ADGRL3: variants seen among roughly 807,000 people sequenced by gnomAD.
ADGRL3 encodes adhesion G protein-coupled receptor L3.
Under a neutral mutation model 153.5 loss-of-function variants are expected in ADGRL3, and 62 were observed. The ratio of observed to expected loss-of-function variants is 0.40; its 90% CI spans 0.33 to 0.50. ADGRL3 has a LOEUF of 0.50. ADGRL3 is among the 20% of genes least tolerant of loss of function. The pLI is 0.47. For synonymous variants in ADGRL3, 710 were observed against 672.5 expected (o/e 1.06, Z -0.86); for missense variants, 1,641 against 1,859.4 (o/e 0.88, Z 2.16).
intron 24 of ADGRL3, among the ~76,000 whole-genome samples, chr4:62,040,398 G>A (rs1424415034): frequency 6.6e-6 from 1 of 151,654 alleles, no homozygotes; most frequent in Non-Finnish European, 1.5e-5. Context: ...ACTATGACCA[G>A]CCAAGCCTAT....
chr4:61,710,756 G>A (rs1391441882), intron 6 of ADGRL3, among the ~76,000 whole-genome samples: 1 of 152,122 alleles, frequency 6.6e-6, no homozygotes, highest in Non-Finnish European at 1.5e-5. Context: ...TTCACCTAGT[G>A]TGTTGCACTC....
chr4:61,475,551 T>C (rs1339194576), intron 2 of ADGRL3, among the ~76,000 whole-genome samples: 1 of 152,190 alleles, frequency 6.6e-6, no homozygotes, highest in African/African-American at 2.4e-5. Context: ...AAAGCCACTC[T>C]GATTTTTTGA....
chr4:62,070,598 CAGA>C lies in ADGRL3; in HGVS notation c.4326_4328del (p.Glu1442del). The stretch of plus-strand genomic sequence containing the variant: ...TTCCCTTTGCTAACCAACGAGCACA[CAGA>C]AGATCTCCAGTCACCCCATAGAGAC... On this transcript the variant is annotated inframe_deletion, in exon 27 of 27. Transcript: ENST00000683033. 7 of 1,551,724 alleles carry C rather than the reference CAGA, an allele frequency of 4.5e-6. No individual in the cohort carries two copies. Among genetic ancestry groups the C allele is most frequent in the Non-Finnish European group, 6.1e-6 (7 of 1,147,024 alleles).
rs192838970 is a variant in ADGRL3, at chr4:61,978,613, T to C, written c.2806-950T>C. On this transcript the variant is annotated intron_variant, in intron 17 of 26. Transcript: ENST00000683033. ...TGTAAATTCTAAAGATTCACAGAAG[T>C]TTTTTTAGTGTAGGGACAAAATATC... Among the ~76,000 whole-genome samples the C allele has an allele frequency of 3.3e-5, 5 of 152,162 alleles. No individual in the cohort carries two copies. In the East Asian group the frequency reaches 9.7e-4, roughly 29 times the overall value.
chr4:62,071,035 A>T lies in ADGRL3; in HGVS notation c.*127A>T. On this transcript the variant is annotated 3_prime_UTR_variant, in exon 27 of 27. Transcript: ENST00000683033. ...ATGCTGTCCTCTAAAGACAAACACA[A>T]ACTCTCAGACTTTTTTTTTTTTAAT... 1.2e-6 allele frequency: 1 copy of T among 855,676 alleles called. No homozygotes were observed. Among genetic ancestry groups the T allele is most frequent in the Non-Finnish European group, 1.7e-6 (1 of 574,536 alleles). 53.0% of individuals were successfully genotyped at this position (855,676 alleles called of 1,614,324 possible).
At chr4:61,885,419 T>TC (rs1390327507) in intron 9 of ADGRL3, among the ~76,000 whole-genome samples, 6 of 152,232 alleles carry the variant, frequency 3.9e-5, no homozygotes, top group Admixed American at 1.3e-4. Flanking sequence ...ATTTGTAACC[T>TC]TTGGAGAATT....
At position 61,587,825 on chromosome 4, in the gene ADGRL3, G is replaced by A. The variant is rs138726584; in HGVS notation, c.473+385G>A. Among the ~76,000 whole-genome samples the A allele has an allele frequency of 2.6e-3, 389 of 151,676 alleles. 4 individuals carry two copies. Among genetic ancestry groups the A allele is most frequent in the African/African-American group, 8.1e-3 (335 of 41,400 alleles). On this transcript the variant is annotated intron_variant, in intron 5 of 26. Coordinates refer to ENST00000683033, the MANE Select transcript of ADGRL3 (RefSeq NM_001387552.1). ...TAACAATAACTTTCTAACAATGTAGGGAAAAAAAGAAGTAAAAATTAATAG... is the reference window on the plus strand; with the variant it reads ...TAACAATAACTTTCTAACAATGTAGAGAAAAAAAGAAGTAAAAATTAATAG...
intron 8 of ADGRL3, among the ~76,000 whole-genome samples, chr4:61,811,873 G>T (rs1208756279): frequency 6.6e-6 from 1 of 152,070 alleles, no homozygotes; most frequent in East Asian, 1.9e-4. Flanking sequence ...TATTGTCTTA[G>T]GTGATGAAAG....
Position 61,403,342 on chromosome 4 carries a change from C to T in ADGRL3, c.-174+20153C>T, listed in dbSNP as rs116378562. 6.7e-3 allele frequency among the ~76,000 whole-genome samples: 1,015 copies of T among 152,128 alleles called. 11 individuals carry two copies. Among genetic ancestry groups the T allele is most frequent in the African/African-American group, 0.019 (797 of 41,504 alleles). The stretch of plus-strand genomic sequence containing the variant: ...GATTAGAAGGTGGGAACTGAACGTC[C>T]TACCATCTAACCTCCAGAAATGGGA... On this transcript the variant is annotated intron_variant, in intron 2 of 26. Transcript: ENST00000683033.
chr4:61,765,662 G>T (rs570453703), intron 8 of ADGRL3, among the ~76,000 whole-genome samples: 1 of 152,086 alleles, frequency 6.6e-6, no homozygotes, highest in Admixed American at 6.6e-5. Context: ...AATGACTGCG[G>T]TGGCCTTCTC....
intron 6 of ADGRL3, among the ~76,000 whole-genome samples, chr4:61,726,130 AC>A (rs1042507619): frequency 2.1e-4 from 32 of 151,956 alleles, no homozygotes; most frequent in African/African-American, 6.3e-4. Context: ...GTTCTGGAGA[AC>A]CTAAATGCTC....
At chr4:62,025,363 A>C (rs1717905219) in intron 21 of ADGRL3, among the ~76,000 whole-genome samples, 1 of 152,160 alleles carries the variant, frequency 6.6e-6, no homozygotes, top group Admixed American at 6.6e-5. Flanking sequence ...GATTAGTATA[A>C]GAAAAGTTGT....
At chr4:61,320,758 A>G (rs1249313095) in intron 1 of ADGRL3, among the ~76,000 whole-genome samples, 1 of 152,208 alleles carries the variant, frequency 6.6e-6, no homozygotes, top group African/African-American at 2.4e-5. Flanking sequence ...ATTAACTATC[A>G]CACTGCTGTA....
intron 1 of ADGRL3, among the ~76,000 whole-genome samples, chr4:61,303,234 G>T (rs531642587): frequency 7.0e-4 from 106 of 152,258 alleles, no homozygotes; most frequent in African/African-American, 2.5e-3. Context: ...TACTTTGAAA[G>T]CCCAGTTTTA....
At chr4:61,960,664 T>C (rs186016155) in intron 17 of ADGRL3, among the ~76,000 whole-genome samples, 121 of 152,294 alleles carry the variant, frequency 7.9e-4, no homozygotes, top group Admixed American at 2.9e-3. Flanking sequence ...AATGATGTAA[T>C]GATGTACATA....
At chr4:61,493,486 G>A (rs543939302) in intron 2 of ADGRL3, among the ~76,000 whole-genome samples, 2 of 152,244 alleles carry the variant, frequency 1.3e-5, no homozygotes, top group Admixed American at 1.3e-4. Flanking sequence ...TTTCAACATT[G>A]TAAAATATGT....
chr4:61,552,468 C>A (rs1197068036), intron 4 of ADGRL3, among the ~76,000 whole-genome samples: 4 of 151,820 alleles, frequency 2.6e-5, no homozygotes, highest in African/African-American at 4.8e-5. Flanking sequence ...AATTTAATTT[C>A]ATTTATTTAT....
chr4:61,575,345 T>A lies in ADGRL3; in HGVS notation c.260-11882T>A, dbSNP rs1454023406. ...ATTTTAAATTTGTGTTCTAGTAATTTTGAAAATACTCTTGTTTAAAATCAT... is the reference window on the plus strand; with the variant it reads ...ATTTTAAATTTGTGTTCTAGTAATTATGAAAATACTCTTGTTTAAAATCAT... On this transcript the variant is annotated intron_variant, in intron 4 of 26. Transcript: ENST00000683033. 2.0e-5 allele frequency among the ~76,000 whole-genome samples: 3 copies of A among 152,012 alleles called. No individual in the cohort carries two copies. The East Asian group carries it at 5.8e-4, about 29-fold the overall frequency.
In ADGRL3 at chr4:61,823,151, G is replaced by A. The variant is rs535224883; in HGVS notation, c.1480+9262G>A. On this transcript the variant is annotated intron_variant, in intron 9 of 26. Coordinates refer to ENST00000683033, the MANE Select transcript of ADGRL3 (RefSeq NM_001387552.1). ...GTTCTCTCTTCTGAGGTTATTCACT[G>A]GCCCAGCTTCCCTAAGATTGCTACT... is the stretch of plus-strand genomic sequence containing the variant. Among the ~76,000 whole-genome samples the A allele has an allele frequency of 1.3e-4, 20 of 152,240 alleles. 1 individual carries two copies. The South Asian group carries it at 3.5e-3, about 27-fold the overall frequency.
Sources: allele counts gnomAD v4.1 joint callset (sites outside exome capture counted in the v4.1 genomes callset), GRCh38; gene constraint gnomAD v4.1.1; transcripts MANE v1.5; gene names NCBI Gene and HGNC (gene_info 2026-07-23, HGNC 2026-07-21).